USH1C: variants seen among roughly 807,000 people sequenced by gnomAD.
USH1C encodes the protein USH1 protein network component harmonin, also known as harmonin.
In USH1C, 90 loss-of-function variants were observed where a neutral mutation model predicts 119.3. The observed-to-expected ratio is 0.75, with a 90% confidence interval of 0.64 to 0.90. The LOEUF (loss-of-function observed/expected upper bound fraction) is 0.90, where lower values mean the gene tolerates loss of function less well. Ranked by LOEUF, USH1C falls within the 40% of genes least tolerant of loss-of-function variation. The probability of loss-of-function intolerance (pLI) is 0.00; values close to 1 mark genes in which losing one functional copy is unlikely to be tolerated. For synonymous variants in USH1C, 465 were observed against 443.3 expected (o/e 1.05, Z -0.62); for missense variants, 1,165 against 1,167.7 (o/e 1.00, Z 0.03).
In USH1C at chr11:17,531,559, A is replaced by C; in HGVS notation, c.105-17T>G. The C allele has an allele frequency of 6.2e-7, 1 of 1,611,666 alleles. No homozygotes were observed. The highest frequency in any genetic ancestry group is 8.5e-7 in the Non-Finnish European group (1 of 1,179,924). On this transcript the variant is annotated splice_polypyrimidine_tract_variant and intron_variant, in intron 2 of 26. Transcript: ENST00000005226. This position sits in a 1 kb window ranked among gnomAD's most constrained non-coding sequence, Gnocchi z 4.2. Reference sequence around the variant, plus strand: ...TCCATGGTCCTGTGGAGATGCCGGGAATGCCTGGAGCCTCACCCCTGGCCA... The same window carrying C: ...TCCATGGTCCTGTGGAGATGCCGGGCATGCCTGGAGCCTCACCCCTGGCCA...
At position 17,526,299 on chromosome 11, in the gene USH1C, C is replaced by A. The variant is rs747691157; in HGVS notation, c.674+48G>T. The A allele has an allele frequency of 4.6e-6, 7 of 1,518,998 alleles. No individual in the cohort carries two copies. The South Asian group carries it at 7.9e-5, about 17-fold the overall frequency. 94.1% of individuals were successfully genotyped at this position (1,518,998 alleles called of 1,614,324 possible). A position where few individuals can be genotyped will look rare whatever the true frequency, so the allele number is the denominator to read the frequency against. ...GGAAGGGGAGGGCAATAGGGGCCTG[C>A]TGGGGTGCACTGGCCACGAATGACC... is the stretch of plus-strand genomic sequence containing the variant. On this transcript the variant is annotated intron_variant, in intron 8 of 26. Transcript: ENST00000005226.
chr11:17,511,205 C>T (rs1357132015), intron 16 of USH1C, among the ~76,000 whole-genome samples: 1 of 152,116 alleles, frequency 6.6e-6, no homozygotes, highest in African/African-American at 2.4e-5. Flanking sequence ...GAGGTCTAGC[C>T]TTAGACACAC....
At chr11:17,505,504 T>A (rs1472574318) in intron 19 of USH1C, among the ~76,000 whole-genome samples, 1 of 152,246 alleles carries the variant, frequency 6.6e-6, no homozygotes, top group Non-Finnish European at 1.5e-5. Flanking sequence ...ACAGGAACCA[T>A]CTCACAGTCC....
chr11:17,510,559 G>T (rs1393678161), intron 16 of USH1C, 38 bp from the exon 17 acceptor site: 1 of 1,456,838 alleles, frequency 6.9e-7, no homozygotes, highest in Non-Finnish European at 9.6e-7. Flanking sequence ...AGAGGACAAA[G>T]GGCACATTTG....
chr11:17,499,773 C>T (rs754939836), intron 23 of USH1C, among the ~76,000 whole-genome samples: 1 of 152,228 alleles, frequency 6.6e-6, no homozygotes, highest in Non-Finnish European at 1.5e-5. Context: ...CCATACCTCA[C>T]CTTAGTAACC....
At chr11:17,520,824 T>C in intron 14 of USH1C, 46 bp downstream of exon 14, 1 of 1,612,910 alleles carries the variant, frequency 6.2e-7, no homozygotes, top group Non-Finnish European at 8.5e-7. Context: ...GGGCCAGCAT[T>C]TCTGACTAGT....
chr11:17,535,437 G>A (rs778923964), intron 1 of USH1C, among the ~76,000 whole-genome samples: 7 of 152,058 alleles, frequency 4.6e-5, no homozygotes, highest in Admixed American at 2.6e-4. Context: ...CCTGCACCCC[G>A]GAGATGTTTC....
intron 23 of USH1C, among the ~76,000 whole-genome samples, chr11:17,500,346 G>A (rs1849389111): frequency 1.3e-5 from 2 of 152,302 alleles, no homozygotes; most frequent in African/African-American, 4.8e-5. Flanking sequence ...CTGGCTGTGG[G>A]TCCTTGAACA....
chr11:17,529,355 C>A (rs747126970), intron 4 of USH1C, among the ~76,000 whole-genome samples: 1 of 152,200 alleles, frequency 6.6e-6, no homozygotes, highest in Non-Finnish European at 1.5e-5. Context: ...GGGTGGACCC[C>A]CAGGACTAGG....
chr11:17,531,588 C>T lies in USH1C; in HGVS notation c.105-46G>A, dbSNP rs762648575. The T allele has an allele frequency of 1.2e-6, 2 of 1,606,842 alleles. No individual in the cohort carries two copies. The highest frequency in any genetic ancestry group is 1.7e-6 in the Non-Finnish European group (2 of 1,178,932). Reference sequence around the variant, plus strand: ...CCTGGAGCCTCACCCCTGGCCATGACCTCAGGCACCCAGGGATTCCAAGAG... The same window carrying T: ...CCTGGAGCCTCACCCCTGGCCATGATCTCAGGCACCCAGGGATTCCAAGAG... On this transcript the variant is annotated intron_variant, in intron 2 of 26. Coordinates refer to ENST00000005226, the MANE Select transcript of USH1C (RefSeq NM_153676.4). The surrounding 1 kb of genome is among the most constrained non-coding windows in gnomAD (Gnocchi z 4.2).
At chr11:17,537,293 C>T (rs2133945173) in intron 1 of USH1C, among the ~76,000 whole-genome samples, 1 of 152,320 alleles carries the variant, frequency 6.6e-6, no homozygotes, top group Non-Finnish European at 1.5e-5. Context: ...CTCTAGGGTG[C>T]TTTGTACCAT....
chr11:17,521,061 G>C lies in USH1C; in HGVS notation c.1086-67C>G, dbSNP rs992430830. The C allele has an allele frequency of 1.2e-5, 20 of 1,602,816 alleles. No individual in the cohort carries two copies. In the African/African-American group the frequency reaches 2.5e-4, roughly 20 times the overall value. ...CCATAGGCCCATCTCCTGCATATCG[G>C]AGAGCCCCAGCCAGCCTGGGGAGAA... is the stretch of plus-strand genomic sequence containing the variant. On this transcript the variant is annotated intron_variant, in intron 13 of 26. Coordinates refer to ENST00000005226, the MANE Select transcript of USH1C (RefSeq NM_153676.4).
rs757363960 is a variant in USH1C at position 17,500,085 on chromosome 11, CG to C, written c.2380+965del. On this transcript the variant is annotated intron_variant, in intron 23 of 26. Coordinates refer to ENST00000005226, the MANE Select transcript of USH1C (RefSeq NM_153676.4). ...TTTCAGACACTGTCCGACAGGTGAA[CG>C]GGGTGATGGTTTGAAGCAAGAGACT... Among the ~76,000 whole-genome samples, 192 of 152,300 alleles carry C rather than the reference CG, an allele frequency of 1.3e-3. 2 individuals are homozygous for C. The highest frequency in any genetic ancestry group is 2.0e-3 in the Admixed American group (31 of 15,302).
chr11:17,521,444 C>T (rs1850410188), intron 12 of USH1C, 33 bp from the exon 13 acceptor site: 3 of 1,607,412 alleles, frequency 1.9e-6, no homozygotes, highest in Non-Finnish European at 2.6e-6. Context: ...CATGTTTGGC[C>T]CTATGCAAGA....
chr11:17,495,567 A>T lies in USH1C; in HGVS notation c.2655+2T>A. ...GGCCCTGTGGCCCGCCTGCCTATTC[A>T]CCGTGGGCTCCAGCTGCAGGAGGAA... is the stretch of plus-strand genomic sequence containing the variant. On this transcript the variant is annotated splice_donor_variant, in intron 26 of 26. Transcript: ENST00000005226. LOFTEE classifies it high-confidence loss of function. The T allele has an allele frequency of 6.2e-7, 1 of 1,613,870 alleles. No homozygotes were observed. The highest frequency in any genetic ancestry group is 8.5e-7 in the Non-Finnish European group (1 of 1,179,972).
At chr11:17,539,078 T>C (rs1012251284) in intron 1 of USH1C, among the ~76,000 whole-genome samples, 9 of 152,214 alleles carry the variant, frequency 5.9e-5, no homozygotes, top group African/African-American at 2.2e-4. Context: ...CCATTAGCAA[T>C]GGTGGTACCA....
intron 15 of USH1C, among the ~76,000 whole-genome samples, chr11:17,512,561 T>C (rs1181955963): frequency 2.0e-5 from 3 of 152,360 alleles, no homozygotes; most frequent in African/African-American, 4.8e-5. Context: ...AGATGCATCC[T>C]GGGAGATTCC....
intron 22 of USH1C, 134 bp downstream of exon 22, chr11:17,501,348 G>T: frequency 8.6e-7 from 1 of 1,165,576 alleles, no homozygotes; most frequent in Non-Finnish European, 1.2e-6. Flanking sequence ...GGGCGTCTCC[G>T]TGGGAGAGGG....
At chr11:17,504,030 A>G (rs1391528821) in intron 20 of USH1C, among the ~76,000 whole-genome samples, 1 of 152,164 alleles carries the variant, frequency 6.6e-6, no homozygotes, top group African/African-American at 2.4e-5. Flanking sequence ...GGTTTCTTTC[A>G]TTGGTGATGA....
Sources: allele counts gnomAD v4.1 joint callset (sites outside exome capture counted in the v4.1 genomes callset), GRCh38; gene constraint gnomAD v4.1.1; non-coding constraint Gnocchi (gnomAD v3.1); transcripts MANE v1.5; gene names NCBI Gene and HGNC (gene_info 2026-07-23, HGNC 2026-07-21).